SATB1: variants seen among roughly 807,000 people sequenced by gnomAD.
The protein encoded by SATB1 is DNA-binding protein SATB1.
A neutral mutation model predicts 86.9 loss-of-function variants in SATB1; 11 were observed. The observed-to-expected ratio is 0.13, with a 90% confidence interval of 0.08 to 0.21. The LOEUF (loss-of-function observed/expected upper bound fraction) is 0.21, where lower values mean the gene tolerates loss of function less well. Among genes scored for constraint, SATB1 ranks in the 10% least tolerant of loss-of-function variants. The pLI is 1.00. For synonymous variants in SATB1, 357 were observed against 357.2 expected (o/e 1.00, Z 0.01); for missense variants, 551 against 937.6 (o/e 0.59, Z 5.39).
In SATB1 at chr3:18,349,211, C is replaced by T; in HGVS notation, c.2251G>A (p.Val751Met). ...GTATTAATGTCTGTGTTTCCTTCCA[C>T]TGACAGCTCTTCTTCTAGTTTCACT... Reference protein sequence around the residue: ...FSVKLEEELSVEGNTDINTDL... With the variant: ...FSVKLEEELSMEGNTDINTDL... Residue 751 changes from valine to methionine, a missense_variant, in exon 11 of 11, where the codon GTG becomes ATG. Val to Met is a conservative substitution (Grantham distance 21). Transcript: ENST00000338745. This position sits in a 1 kb window ranked among gnomAD's most constrained non-coding sequence, Gnocchi z 5.5. 1 of 1,614,182 alleles carries T rather than the reference C, an allele frequency of 6.2e-7. No individual in the cohort carries two copies. Among genetic ancestry groups the T allele is most frequent in the Non-Finnish European group, 8.5e-7 (1 of 1,180,028 alleles).
In SATB1 at chr3:18,345,459, C is replaced by T. The variant is rs2125115774; in HGVS notation, c.*3711G>A. On this transcript the variant is annotated 3_prime_UTR_variant, in exon 11 of 11. Coordinates refer to ENST00000338745, the MANE Select transcript of SATB1 (RefSeq NM_002971.6). The stretch of plus-strand genomic sequence containing the variant: ...TAGTATTCAGGACATACACCTTCTA[C>T]CACAATTTCTTTAATTAGGGTACTT... 1 of 152,132 alleles carries T rather than the reference C, an allele frequency of 6.6e-6. No homozygotes were observed. Among genetic ancestry groups the T allele is most frequent in the South Asian group, 2.1e-4 (1 of 4,822 alleles). The allele number at this position is 152,132 out of a possible 1,614,324, so 9.4% of individuals were successfully genotyped here. A position where few individuals can be genotyped will look rare whatever the true frequency, so the allele number is the denominator to read the frequency against.
chr3:18,370,486 A>T (rs1695416177), intron 9 of SATB1, among the ~76,000 whole-genome samples: 1 of 147,974 alleles, frequency 6.8e-6, no homozygotes, highest in African/African-American at 2.5e-5. Flanking sequence ...CTTTACTGTT[A>T]ACTGACAATA....
intron 2 of SATB1, 139 bp from the exon 3 acceptor site, chr3:18,417,217 A>G (rs1018407265): frequency 2.7e-5 from 20 of 752,010 alleles, no homozygotes; most frequent in Middle Eastern, 3.7e-4. Context: ...GACTGGGTAC[A>G]GTACAGGCAA....
chr3:18,416,587 C>T (rs539086093), intron 3 of SATB1, among the ~76,000 whole-genome samples: 1 of 152,176 alleles, frequency 6.6e-6, no homozygotes, highest in East Asian at 1.9e-4. Context: ...AATTGACTCT[C>T]AACAGTCCAT....
chr3:18,393,514 C>A (rs1262018748), intron 7 of SATB1, among the ~76,000 whole-genome samples: 1 of 152,146 alleles, frequency 6.6e-6, no homozygotes, highest in East Asian at 1.9e-4. Flanking sequence ...TCATATATAT[C>A]ACTTTTTCTC....
intron 2 of SATB1, among the ~76,000 whole-genome samples, chr3:18,430,518 C>T: frequency 6.6e-6 from 1 of 152,048 alleles, no homozygotes; most frequent in East Asian, 1.9e-4. Context: ...TCATTCCCAC[C>T]CTTACCCCTG....
chr3:18,438,262 C>A (rs1361828420), intron 1 of SATB1, among the ~76,000 whole-genome samples: 1 of 152,182 alleles, frequency 6.6e-6, no homozygotes, highest in African/African-American at 2.4e-5. Flanking sequence ...TACTACATGC[C>A]TAGCTTCCAG....
At chr3:18,354,562 A>G (rs898954910) in intron 9 of SATB1, among the ~76,000 whole-genome samples, 7 of 152,306 alleles carry the variant, frequency 4.6e-5, no homozygotes, top group African/African-American at 1.4e-4. Flanking sequence ...TTAGAAATAA[A>G]TGCTTGTAAC....
At position 18,346,074 on chromosome 3, in the gene SATB1, A is replaced by G. The variant is rs1694039513; in HGVS notation, c.*3096T>C. ...ATGCTAACCAATACACATTTTATAC[A>G]TAATATGTACAGACTTTGTTACCAA... On this transcript the variant is annotated 3_prime_UTR_variant, in exon 11 of 11. Transcript: ENST00000338745. 1 of 152,192 alleles carries G rather than the reference A, an allele frequency of 6.6e-6. No individual in the cohort carries two copies. The highest frequency in any genetic ancestry group is 1.5e-5 in the Non-Finnish European group (1 of 67,994). The allele number at this position is 152,192 out of a possible 1,614,324, so 9.4% of individuals were successfully genotyped here. A position where few individuals can be genotyped will look rare whatever the true frequency, so the allele number is the denominator to read the frequency against.
chr3:18,404,480 C>T (rs1697421225), intron 5 of SATB1, among the ~76,000 whole-genome samples: 1 of 151,944 alleles, frequency 6.6e-6, no homozygotes, highest in South Asian at 2.1e-4. Flanking sequence ...TGGCACATTG[C>T]TAAAATTGGA....
chr3:18,428,645 A>G (rs536310072), upstream of SATB1, among the ~76,000 whole-genome samples: 3 of 152,342 alleles, frequency 2.0e-5, no homozygotes, highest in Admixed American at 6.5e-5. Context: ...AGAAAACCTC[A>G]GGAACATAAA....
intron 6 of SATB1, 29 bp downstream of exon 6, chr3:18,397,150 G>T: frequency 8.3e-7 from 1 of 1,198,554 alleles, no homozygotes; most frequent in Non-Finnish European, 1.2e-6. Flanking sequence ...ATGGTATGTA[G>T]CCACTGCTGC....
At chr3:18,379,815 T>C (rs1367393844) in intron 8 of SATB1, among the ~76,000 whole-genome samples, 1 of 152,208 alleles carries the variant, frequency 6.6e-6, no homozygotes, top group African/African-American at 2.4e-5. Context: ...CCCGCAGGCC[T>C]GAAGGGGACA....
rs550281694 is a variant in SATB1, at chr3:18,368,686, T to C, written c.1575+9484A>G. 8.9e-4 allele frequency among the ~76,000 whole-genome samples: 136 copies of C among 152,292 alleles called. 1 individual carries two copies. The highest frequency in any genetic ancestry group is 3.0e-3 in the African/African-American group (126 of 41,560). ...CTAAGTAGCTTCCAAGCTAGGTTCA[T>C]AACTGAAGTCATAAAACAAAAATAA... On this transcript the variant is annotated intron_variant, in intron 9 of 10. Transcript: ENST00000338745.
intron 9 of SATB1, among the ~76,000 whole-genome samples, chr3:18,377,325 G>T (rs2125186027): frequency 6.6e-6 from 1 of 152,208 alleles, no homozygotes; most frequent in South Asian, 2.1e-4. Context: ...CCTTGATAGT[G>T]TTATGAAATT....
chr3:18,371,225 T>C (rs1338706782), intron 9 of SATB1, among the ~76,000 whole-genome samples: 5 of 152,128 alleles, frequency 3.3e-5, no homozygotes, highest in Admixed American at 3.3e-4. Flanking sequence ...GGAGAATAGA[T>C]TTTCTATTAA....
intron 9 of SATB1, among the ~76,000 whole-genome samples, chr3:18,372,335 T>C (rs1474468645): frequency 6.6e-6 from 1 of 152,234 alleles, no homozygotes; most frequent in African/African-American, 2.4e-5. Context: ...GTTATGTCTA[T>C]ATTTGTAACA....
chr3:18,420,404 T>C (rs1487313817), intron 2 of SATB1, among the ~76,000 whole-genome samples: 2 of 152,140 alleles, frequency 1.3e-5, no homozygotes, highest in Non-Finnish European at 2.9e-5. Context: ...TCAAATCACC[T>C]AAGTGTTTTA....
At chr3:18,356,946 G>GA (rs141385625) in intron 9 of SATB1, among the ~76,000 whole-genome samples, 14 of 151,190 alleles carry the variant, frequency 9.3e-5, no homozygotes, top group African/African-American at 2.9e-4. Flanking sequence ...TATTCTCTGA[G>GA]AAAAAAAGTC....
Sources: gnomAD v4.1 joint callset for allele counts (sites outside exome capture counted in the v4.1 genomes callset) on GRCh38, gnomAD v4.1.1 for gene constraint, Gnocchi (gnomAD v3.1) non-coding constraint, MANE v1.5 for transcripts, NCBI Gene and HGNC (gene_info 2026-07-23, HGNC 2026-07-21) for gene names.